The following CSF2RB variants were observed in gnomAD, a reference collection of about 807,000 sequenced individuals.
CSF2RB encodes the protein colony stimulating factor 2 receptor subunit beta, also known as cytokine receptor common subunit beta.
CSF2RB carries 22 observed loss-of-function variants against 67.2 expected under a neutral mutation model. The ratio of observed to expected loss-of-function variants is 0.33; its 90% CI spans 0.23 to 0.47. The LOEUF is 0.47. CSF2RB is among the 20% of genes least tolerant of loss of function. The probability of loss-of-function intolerance (pLI) is 1.00; values close to 1 mark genes in which losing one functional copy is unlikely to be tolerated. For synonymous variants in CSF2RB, 507 were observed against 482.9 expected (o/e 1.05, Z -0.65); for missense variants, 1,113 against 1,174.5 (o/e 0.95, Z 0.76).
chr22:36,938,546 T>C lies in CSF2RB; in HGVS notation c.*44T>C, dbSNP rs768089773. On this transcript the variant is annotated 3_prime_UTR_variant, in exon 14 of 14. Coordinates refer to ENST00000403662, the MANE Select transcript of CSF2RB (RefSeq NM_000395.3). The stretch of plus-strand genomic sequence containing the variant: ...GGCAAGGGGATGGAGAGGGCTTGCC[T>C]TCCCTCCCGCCTGACCTTCCTCAGT... 2.6e-6 allele frequency: 4 copies of C among 1,567,540 alleles called. No individual in the cohort carries two copies. The highest frequency in any genetic ancestry group is 3.5e-6 in the Non-Finnish European group (4 of 1,154,780).
chr22:36,929,505 C>T lies in CSF2RB; in HGVS notation c.495C>T (p.Ser165=), dbSNP rs1244276182. 19 of 1,614,192 alleles carry T rather than the reference C, an allele frequency of 1.2e-5. No individual in the cohort carries two copies. The highest frequency in any genetic ancestry group is 2.2e-5 in the East Asian group (1 of 44,874). The part of the protein sequence containing the change: ...ALGSPQSHWL[S]PGDLEFEVVY... ...GGAGTCCCCAGAGCCACTGGTTGTC[C>T]CCAGGGGATCTGGAGTTTGAGGTGG... The change falls in exon 5 of 14, where the codon TCC becomes TCT. Residue 165 remains serine (S), a synonymous_variant. Transcript: ENST00000403662.
At position 36,938,039 on chromosome 22, in the gene CSF2RB, T is replaced by A. The variant is rs148643829; in HGVS notation, c.2231T>A (p.Leu744Ter). ...LGLPSDQTPSLCPGLASGPPG... is the reference protein window; with the variant it reads ...LGLPSDQTPS The stretch of plus-strand genomic sequence containing the variant: ...CTCCCCTCAGACCAGACCCCCAGCT[T>A]ATGTCCTGGGCTGGCCAGTGGACCC... Residue 744 changes from leucine to a stop codon, truncating the protein, a stop_gained, in exon 14 of 14, where the codon TTA becomes TAA. Transcript: ENST00000403662. LOFTEE classifies it low-confidence loss of function (END_TRUNC). 6.2e-7 allele frequency: 1 copy of A among 1,613,862 alleles called. No homozygotes were observed. The highest frequency in any genetic ancestry group is 8.5e-7 in the Non-Finnish European group (1 of 1,179,982).
At chr22:36,919,825 A>G (rs1327673885) in intron 1 of CSF2RB, among the ~76,000 whole-genome samples, 1 of 152,122 alleles carries the variant, frequency 6.6e-6, no homozygotes, top group East Asian at 1.9e-4. Flanking sequence ...CTCCCTGAGG[A>G]TGCTGATTTA....
At chr22:36,925,958 C>T (rs1441122551) in intron 3 of CSF2RB, 29 bp from the exon 4 acceptor site, 1 of 1,613,592 alleles carries the variant, frequency 6.2e-7, no homozygotes, top group Non-Finnish European at 8.5e-7. Context: ...CCCATACACC[C>T]TGGGCTAAGC....
chr22:36,938,321 A>G lies in CSF2RB; in HGVS notation c.2513A>G (p.Lys838Arg). 1 of 1,614,072 alleles carries G rather than the reference A, an allele frequency of 6.2e-7. No homozygotes were observed. The highest frequency in any genetic ancestry group is 8.5e-7 in the Non-Finnish European group (1 of 1,179,992). ...LGPGPLSLRS[K>R]PSSPGPGPEI... is the part of the protein sequence containing the mutation. Reference sequence around the variant, plus strand: ...CCCGGCCCTCTCTCGCTCCGGAGTAAACCTTCTTCCCCGGGACCCGGTCCT... The same window carrying G: ...CCCGGCCCTCTCTCGCTCCGGAGTAGACCTTCTTCCCCGGGACCCGGTCCT... Residue 838 changes from lysine to arginine, a missense_variant, in exon 14 of 14, where the codon AAA becomes AGA. Coordinates refer to ENST00000403662, the MANE Select transcript of CSF2RB (RefSeq NM_000395.3).
At chr22:36,927,138 G>T (rs1458061837) in intron 4 of CSF2RB, among the ~76,000 whole-genome samples, 1 of 152,328 alleles carries the variant, frequency 6.6e-6, no homozygotes, top group Middle Eastern at 3.4e-3. Flanking sequence ...CACGGAAGGG[G>T]CTCTGACCAT....
chr22:36,917,966 A>G (rs4239882), intron 1 of CSF2RB, among the ~76,000 whole-genome samples: 67,075 of 151,960 alleles, frequency 0.44, 16,798 homozygotes, highest in Admixed American at 0.58. Context: ...CATATTTGCT[A>G]CCAGCATTTG....
At chr22:36,934,319 G>T (rs1941223766) in intron 10 of CSF2RB, among the ~76,000 whole-genome samples, 1 of 152,178 alleles carries the variant, frequency 6.6e-6, no homozygotes, top group Non-Finnish European at 1.5e-5. Context: ...GAGATGTGGG[G>T]CTCCAGACCC....
rs993052098 is a variant in CSF2RB, at chr22:36,937,277, G to C, written c.1569-100G>C. 8.3e-6 allele frequency: 12 copies of C among 1,440,184 alleles called. No homozygotes were observed. The highest frequency in any genetic ancestry group is 1.2e-5 in the Non-Finnish European group (12 of 1,041,762). The allele number at this position is 1,440,184 out of a possible 1,614,324, so 89.2% of individuals were successfully genotyped here. A position where few individuals can be genotyped will look rare whatever the true frequency, so the allele number is the denominator to read the frequency against. ...TCTGTGAGATCTGGGGGACATCAGG[G>C]CTTCCAGAGAACCATCTCCACCCCA... On this transcript the variant is annotated intron_variant, in intron 13 of 13. Transcript: ENST00000403662. The surrounding 1 kb of genome is among the most constrained non-coding windows in gnomAD (Gnocchi z 4.6).
Position 36,939,130 on chromosome 22 carries a change from G to T in CSF2RB, c.*628G>T, listed in dbSNP as rs747110258. 142 of 702,190 alleles carry T rather than the reference G, an allele frequency of 2.0e-4. No homozygotes were observed. The highest frequency in any genetic ancestry group is 2.8e-4 in the Non-Finnish European group (109 of 384,834). 43.5% of individuals were successfully genotyped at this position (702,190 alleles called of 1,614,324 possible). ...CCGAGAAATGGGCATGGTATTGGGG[G>T]TCGGGGGGGCGGTGCAAGGGACGCA... On this transcript the variant is annotated 3_prime_UTR_variant, in exon 14 of 14. Transcript: ENST00000403662.
intron 1 of CSF2RB, among the ~76,000 whole-genome samples, chr22:36,919,200 A>G (rs1374260544): frequency 2.0e-5 from 3 of 152,222 alleles, no homozygotes; most frequent in Non-Finnish European, 2.9e-5. Flanking sequence ...ATTGTCTTTC[A>G]GACTAGGTAG....
intron 8 of CSF2RB, 84 bp downstream of exon 8, chr22:36,930,914 C>T: frequency 2.0e-6 from 3 of 1,503,466 alleles, no homozygotes; most frequent in South Asian, 2.3e-5. Flanking sequence ...CAGGGTTCCT[C>T]CTGGCCCCGT....
At chr22:36,919,567 ATTTT>A (rs35070577) in intron 1 of CSF2RB, among the ~76,000 whole-genome samples, 1 of 142,180 alleles carries the variant, frequency 7.0e-6, no homozygotes, top group Admixed American at 7.0e-5. Flanking sequence ...ATGGCCAGCT[ATTTT>A]TTTTTTTTTT....
rs772161941 is a variant in CSF2RB, at chr22:36,938,314, C to T, written c.2506C>T (p.Arg836Trp). Residue 836 changes from arginine to tryptophan, a missense_variant, in exon 14 of 14, where the codon CGG (arginine) becomes TGG (tryptophan). Physicochemically the swap from Arg to Trp is moderately radical, Grantham distance 101. Transcript: ENST00000403662. ...PGLGPGPLSL[R>W]SKPSSPGPGP... ...CCTGGGGCCCGGCCCTCTCTCGCTC[C>T]GGAGTAAACCTTCTTCCCCGGGACC... is the stretch of plus-strand genomic sequence containing the variant. The T allele has an allele frequency of 1.1e-5, 18 of 1,614,212 alleles. No homozygotes were observed. The highest frequency in any genetic ancestry group is 1.6e-4 in the Middle Eastern group (1 of 6,062).
At position 36,929,449 on chromosome 22, in the gene CSF2RB, C is replaced by T; in HGVS notation, c.439C>T (p.His147Tyr). The T allele has an allele frequency of 6.2e-7, 1 of 1,614,220 alleles. No homozygotes were observed. Among genetic ancestry groups the T allele is most frequent in the Non-Finnish European group, 8.5e-7 (1 of 1,180,032 alleles). Residue 147 changes from histidine to tyrosine, a missense_variant, in exon 5 of 14, where the codon CAC becomes TAC. His to Tyr is a moderately conservative substitution (Grantham distance 83, BLOSUM62 2). This residue lies in a region of CSF2RB where 559 missense variants were observed against 656.5 expected (regional missense o/e 0.85). Coordinates refer to ENST00000403662, the MANE Select transcript of CSF2RB (RefSeq NM_000395.3). ...RDLQISTDQD[H>Y]FLLTWSVALG... is the part of the protein sequence containing the mutation. Reference sequence around the variant, plus strand: ...CCTGCAGATCAGCACCGACCAGGACCACTTCCTGCTGACCTGGAGTGTGGC... The same window carrying T: ...CCTGCAGATCAGCACCGACCAGGACTACTTCCTGCTGACCTGGAGTGTGGC...
rs373925476 is a variant in CSF2RB, at chr22:36,932,820, G to A, written c.1068G>A (p.Leu356=). The A allele has an allele frequency of 1.9e-6, 3 of 1,614,132 alleles. No individual in the cohort carries two copies. Among genetic ancestry groups the A allele is most frequent in the South Asian group, 1.1e-5 (1 of 91,074 alleles). The part of the protein sequence containing the change: ...NVTKDGDSYS[L]RWETMKMRYE... ...CCAAGGATGGAGACAGCTACAGCCT[G>A]CGCTGGGAAACAATGAAAATGCGAT... The change falls in exon 9 of 14, where the codon CTG becomes CTA. Residue 356 remains leucine (L), a synonymous_variant. Coordinates refer to ENST00000403662, the MANE Select transcript of CSF2RB (RefSeq NM_000395.3).
At position 36,939,312 on chromosome 22, in the gene CSF2RB, T is replaced by A; in HGVS notation, c.*810T>A. On this transcript the variant is annotated 3_prime_UTR_variant, in exon 14 of 14. Coordinates refer to ENST00000403662, the MANE Select transcript of CSF2RB (RefSeq NM_000395.3). ...GACCTGGGGAACATCAGGAGAGGAG[T>A]CCAGAGCCCACGTCTACTGCGGAAA... 1 of 700,034 alleles carries A rather than the reference T, an allele frequency of 1.4e-6. No homozygotes were observed. Among genetic ancestry groups the A allele is most frequent in the Non-Finnish European group, 2.6e-6 (1 of 384,100 alleles). 43.4% of individuals were successfully genotyped at this position (700,034 alleles called of 1,614,324 possible).
chr22:36,936,864 C>T (rs897868154), intron 13 of CSF2RB, among the ~76,000 whole-genome samples: 21 of 152,174 alleles, frequency 1.4e-4, no homozygotes, highest in African/African-American at 3.4e-4. Flanking sequence ...GGGGAGTGAC[C>T]GGAAGTGAAA....
intron 6 of CSF2RB, 147 bp from the exon 7 acceptor site, chr22:36,930,228 A>G (rs1941118695): frequency 9.1e-7 from 1 of 1,097,292 alleles, no homozygotes; most frequent in Non-Finnish European, 1.4e-6. Context: ...TTGGACACAC[A>G]GCTGGCAGGT....
Sources: gnomAD v4.1 joint callset for allele counts (sites outside exome capture counted in the v4.1 genomes callset) on GRCh38, gnomAD v4.1.1 for gene constraint, gnomAD v4.1.1 regional missense constraint, Gnocchi (gnomAD v3.1) non-coding constraint, MANE v1.5 for transcripts, NCBI Gene and HGNC (gene_info 2026-07-23, HGNC 2026-07-21) for gene names.